Variants in PLCL1 observed in about 807,000 individuals in gnomAD.
PLCL1 encodes inactive phospholipase C-like protein 1.
PLCL1 carries 41 observed loss-of-function variants against 84.4 expected under a neutral mutation model. The ratio of observed to expected loss-of-function variants is 0.49; its 90% confidence interval spans 0.38 to 0.63. The LOEUF (loss-of-function observed/expected upper bound fraction) is 0.63. PLCL1 is among the 30% of genes least tolerant of loss of function. The pLI is 0.00. For synonymous variants in PLCL1, 490 were observed against 488.3 expected (o/e 1.00, Z -0.05); for missense variants, 1,206 against 1,367.8 (o/e 0.88, Z 1.87).
chr2:198,120,018 G>C (rs957214334), intron 5 of PLCL1, among the ~76,000 whole-genome samples: 1 of 151,868 alleles, frequency 6.6e-6, no homozygotes, highest in African/African-American at 2.4e-5. Context: ...TCTTCATATT[G>C]GGCGTTGTGT....
chr2:197,882,691 A>G (rs939475411), intron 1 of PLCL1, among the ~76,000 whole-genome samples: 1 of 152,214 alleles, frequency 6.6e-6, no homozygotes, highest in African/African-American at 2.4e-5. Flanking sequence ...AAAAAATTCT[A>G]AGTAAAAAAC....
chr2:198,137,788 A>C (rs1694290970), intron 5 of PLCL1, among the ~76,000 whole-genome samples: 1 of 152,168 alleles, frequency 6.6e-6, no homozygotes, highest in East Asian at 1.9e-4. Context: ...AAGGTTAGAT[A>C]TAACTTTATT....
rs1395113721 is a variant in PLCL1, at chr2:198,085,060, C to T, written c.1543C>T (p.Leu515Phe). 6.2e-7 allele frequency: 1 copy of T among 1,614,050 alleles called. No homozygotes were observed. ...GATGAAAAAGGTCTTTGGCAATAAA[C>T]TCTATACTGAAGCACCTTTGCCCTC... The part of the protein sequence containing the change: ...QQMKKVFGNK[L>F]YTEAPLPSES... Residue 515 changes from leucine (L) to phenylalanine (F), a missense_variant, in exon 2 of 6, where the codon CTC becomes TTC. Coordinates refer to ENST00000428675, the MANE Select transcript of PLCL1 (RefSeq NM_006226.4). This position sits in a 1 kb window ranked among gnomAD's most constrained non-coding sequence, Gnocchi z 5.3.
chr2:198,110,697 G>A (rs201205026), intron 5 of PLCL1, among the ~76,000 whole-genome samples: 2 of 151,878 alleles, frequency 1.3e-5, no homozygotes, highest in African/African-American at 2.4e-5. Flanking sequence ...ATACTGTGGA[G>A]AGGGGGCTGT....
intron 1 of PLCL1, among the ~76,000 whole-genome samples, chr2:197,970,978 G>T (rs1356542): frequency 0.72 from 109,473 of 152,154 alleles, 40,310 homozygotes; most frequent in African/African-American, 0.87. Context: ...ATATCATATT[G>T]TGATGTTATG....
rs56411059 is a variant in PLCL1 at position 197,897,196 on chromosome 2, TC to T, written c.240+91859del. Among the ~76,000 whole-genome samples, 194 of 31,636 alleles carry T rather than the reference TC, an allele frequency of 6.1e-3. 19 individuals carry two copies. The highest frequency in any genetic ancestry group is 0.022 in the African/African-American group (180 of 8,036). The allele number at this position is 31,636 out of a possible 152,430, so 20.8% of individuals were successfully genotyped here. The stretch of plus-strand genomic sequence containing the variant: ...CTTCTTCTTCTTCTTCTTCTCCTTC[TC>T]CTTCTTCTTTCTTCTTCCTCTTCTT... On this transcript the variant is annotated intron_variant, in intron 1 of 5. Transcript: ENST00000428675.
At chr2:198,115,521 A>C (rs1021449182) in intron 5 of PLCL1, among the ~76,000 whole-genome samples, 19 of 151,866 alleles carry the variant, frequency 1.3e-4, no homozygotes, top group Admixed American at 6.6e-5. Flanking sequence ...CACAGGGCTC[A>C]GATAAAGTTG....
At chr2:197,988,766 A>T (rs1363244640) in intron 1 of PLCL1, among the ~76,000 whole-genome samples, 1 of 152,166 alleles carries the variant, frequency 6.6e-6, no homozygotes, top group East Asian at 1.9e-4. Context: ...ATCGGATGGT[A>T]GATCAATTTT....
rs539800483 is a variant in PLCL1, at chr2:198,087,578, G to C, written c.2716-1280G>C. The stretch of plus-strand genomic sequence containing the variant: ...ATTTCCTAAGTATTGCAAGTTAACA[G>C]ATAGCAATGTTAGCCTTTAAATCCA... On this transcript the variant is annotated intron_variant, in intron 2 of 5. Coordinates refer to ENST00000428675, the MANE Select transcript of PLCL1 (RefSeq NM_006226.4). 1.1e-4 allele frequency among the ~76,000 whole-genome samples: 17 copies of C among 152,222 alleles called. No homozygotes were observed. In the East Asian group the frequency reaches 3.3e-3, roughly 29 times the overall value.
chr2:197,853,169 T>A (rs1027902090), intron 1 of PLCL1, among the ~76,000 whole-genome samples: 1 of 152,232 alleles, frequency 6.6e-6, no homozygotes, highest in African/African-American at 2.4e-5. Flanking sequence ...TCTTTAAGGC[T>A]CATTCGTGTG....
At chr2:197,956,453 G>A (rs945576622) in intron 1 of PLCL1, among the ~76,000 whole-genome samples, 1 of 152,122 alleles carries the variant, frequency 6.6e-6, no homozygotes, top group Non-Finnish European at 1.5e-5. Flanking sequence ...GGATTACGGG[G>A]TCAAATGGTA....
At chr2:198,061,879 G>A (rs1456293769) in intron 1 of PLCL1, among the ~76,000 whole-genome samples, 2 of 152,296 alleles carry the variant, frequency 1.3e-5, no homozygotes, top group South Asian at 2.1e-4. Flanking sequence ...GATTACAGGT[G>A]TGAGCCACTG....
At chr2:197,974,309 T>G (rs912460386) in intron 1 of PLCL1, among the ~76,000 whole-genome samples, 5 of 152,218 alleles carry the variant, frequency 3.3e-5, no homozygotes, top group Admixed American at 1.3e-4. Context: ...GATTTCAATT[T>G]GGGAACCATT....
intron 1 of PLCL1, among the ~76,000 whole-genome samples, chr2:197,813,536 T>C (rs1411662643): frequency 6.6e-6 from 1 of 152,122 alleles, no homozygotes; most frequent in Non-Finnish European, 1.5e-5. Flanking sequence ...GTAAGTAGCT[T>C]TATTTTTATG....
intron 1 of PLCL1, among the ~76,000 whole-genome samples, chr2:197,887,180 T>C (rs1687938239): frequency 1.3e-5 from 2 of 152,188 alleles, no homozygotes; most frequent in South Asian, 2.1e-4. Flanking sequence ...TCTCCATGTA[T>C]ATTTTTCATA....
In PLCL1 at chr2:197,805,004, G is replaced by A; in HGVS notation, c.-96G>A. On this transcript the variant is annotated 5_prime_UTR_variant, in exon 1 of 6. Coordinates refer to ENST00000428675, the MANE Select transcript of PLCL1 (RefSeq NM_006226.4). This position sits in a 1 kb window ranked among gnomAD's most constrained non-coding sequence, Gnocchi z 4.0. ...GGGCGGTGAAACAAAGTCTGGCGGG[G>A]CCGCCTCCCGGTGCAGGAGCGCACC... 1 of 1,337,676 alleles carries A rather than the reference G, an allele frequency of 7.5e-7. No homozygotes were observed. Among genetic ancestry groups the A allele is most frequent in the Non-Finnish European group, 9.7e-7 (1 of 1,031,138 alleles). The allele number at this position is 1,337,676 out of a possible 1,614,324, so 82.9% of individuals were successfully genotyped here.
rs61752177 is a variant in PLCL1, at chr2:198,084,188, G to A, written c.671G>A (p.Arg224Gln). Residue 224 changes from arginine (R) to glutamine (Q), a missense_variant, in exon 2 of 6, where the codon CGA (arginine) becomes CAA (glutamine). Coordinates refer to ENST00000428675, the MANE Select transcript of PLCL1 (RefSeq NM_006226.4). ...WVSGLRYLVS[R>Q]SKQPLDFMEG... is the part of the protein sequence containing the mutation. ...TCTGGGTTACGGTACCTGGTTTCTCGAAGTAAGCAGCCTCTTGATTTTATG... is the reference window on the plus strand; with the variant it reads ...TCTGGGTTACGGTACCTGGTTTCTCAAAGTAAGCAGCCTCTTGATTTTATG... 7.4e-6 allele frequency: 12 copies of A among 1,613,922 alleles called. No homozygotes were observed. The highest frequency in any genetic ancestry group is 2.2e-5 in the South Asian group (2 of 91,080).
rs567808564 is a variant in PLCL1, at chr2:197,860,807, A to G, written c.240+55468A>G. ...GCATAGTTTGCAAAAATTTTCTCCC[A>G]TTCTGTAGGTTGTCTGTTTACTTTG... On this transcript the variant is annotated intron_variant, in intron 1 of 5. Coordinates refer to ENST00000428675, the MANE Select transcript of PLCL1 (RefSeq NM_006226.4). 8.2e-4 allele frequency among the ~76,000 whole-genome samples: 125 copies of G among 152,216 alleles called. 2 individuals are homozygous for G. The South Asian group carries it at 0.025, about 31-fold the overall frequency.
intron 5 of PLCL1, among the ~76,000 whole-genome samples, chr2:198,123,887 C>T (rs1693927648): frequency 6.6e-6 from 1 of 152,022 alleles, no homozygotes; most frequent in Non-Finnish European, 1.5e-5. Flanking sequence ...TGAAACTATG[C>T]ACCCCTCTCC....
Sources: gnomAD v4.1 joint callset for allele counts (sites outside exome capture counted in the v4.1 genomes callset) on GRCh38, gnomAD v4.1.1 for gene constraint, Gnocchi (gnomAD v3.1) non-coding constraint, MANE v1.5 for transcripts, NCBI Gene and HGNC (gene_info 2026-07-23, HGNC 2026-07-21) for gene names.